The following NCS1 variants were observed in gnomAD, a reference collection of about 807,000 sequenced individuals.
NCS1 encodes frequenin homolog.
Under a neutral mutation model 28.4 loss-of-function variants are expected in NCS1, and 6 were observed. The ratio of observed to expected loss-of-function variants is 0.21; its 90% CI spans 0.12 to 0.42. The LOEUF is 0.42. NCS1 is among the 10% of genes least tolerant of loss of function. The pLI is 1.00. For missense variants in NCS1, 131 were observed against 241.4 expected (o/e 0.54, Z 3.03); for synonymous variants, 86 against 99.3 (o/e 0.87, Z 0.79).
chr9:130,198,266 G>T (rs561436500), intron 1 of NCS1, among the ~76,000 whole-genome samples: 2 of 152,144 alleles, frequency 1.3e-5, no homozygotes, highest in Non-Finnish European at 2.9e-5. Flanking sequence ...GGGTGAGGAA[G>T]GACGCAGAGA....
At chr9:130,220,207 G>A (rs1480654913) in intron 4 of NCS1, among the ~76,000 whole-genome samples, 4 of 152,220 alleles carry the variant, frequency 2.6e-5, no homozygotes, top group Non-Finnish European at 5.9e-5. Flanking sequence ...CCCAGGTTCA[G>A]TGCCGGACCC....
chr9:130,197,294 G>A (rs1554906956), intron 1 of NCS1, among the ~76,000 whole-genome samples: 1 of 152,198 alleles, frequency 6.6e-6, no homozygotes, highest in East Asian at 1.9e-4. Context: ...TGCTTAGGCT[G>A]AAGCTAGATT....
At chr9:130,224,090 C>T (rs1211638434) in intron 6 of NCS1, among the ~76,000 whole-genome samples, 1 of 151,418 alleles carries the variant, frequency 6.6e-6, no homozygotes, top group African/African-American at 2.4e-5. Flanking sequence ...TCGTGATCCA[C>T]CAGCCTCGGC....
intron 1 of NCS1, among the ~76,000 whole-genome samples, chr9:130,176,147 T>TTTCTTTCTTTCTTTCTTTCTTTCTTTC (rs1832562323): frequency 1.8e-5 from 1 of 54,276 alleles, no homozygotes; most frequent in Non-Finnish European, 3.2e-5. Flanking sequence ...ATTTTCTTTC[T>TTTCTTTCTTTCTTTCTTTCTTTCTTTC]TTCTTTCTTT....
chr9:130,199,304 A>G (rs1160086477), intron 1 of NCS1, among the ~76,000 whole-genome samples: 1 of 152,192 alleles, frequency 6.6e-6, no homozygotes, highest in Non-Finnish European at 1.5e-5. Context: ...CGCTTTAACC[A>G]GGATGGTCTC....
chr9:130,227,143 CT>C (rs1696909766), intron 7 of NCS1, among the ~76,000 whole-genome samples: 1 of 152,158 alleles, frequency 6.6e-6, no homozygotes, highest in South Asian at 2.1e-4. Flanking sequence ...TTCTTATCCC[CT>C]CTCTGAGCAG....
chr9:130,174,259 G>A (rs1173461536), intron 1 of NCS1, among the ~76,000 whole-genome samples: 5 of 152,200 alleles, frequency 3.3e-5, no homozygotes, highest in African/African-American at 1.2e-4. Flanking sequence ...TGGGCTGCAC[G>A]GGATGCCTCC....
At chr9:130,221,405 TATATATATAGAGAGAGAGAGAG>T (rs1318316168) in intron 4 of NCS1, among the ~76,000 whole-genome samples, 10 of 41,816 alleles carry the variant, frequency 2.4e-4, no homozygotes, top group African/African-American at 7.8e-4. Context: ...TATATATATA[TATATATATAGAGAGAGAGAGAG>T]AGAGAGAGAG....
rs1292503577 is a variant in NCS1, at chr9:130,177,528, G to A, written c.64+4801G>A. On this transcript the variant is annotated intron_variant, in intron 1 of 7. Coordinates refer to ENST00000372398, the MANE Select transcript of NCS1 (RefSeq NM_014286.4). The surrounding 1 kb of genome is among the most constrained non-coding windows in gnomAD (Gnocchi z 4.4). ...TCCCGTGTGCGTGGGCATGAACCAA[G>A]GAGGCCTTTCCTTTCTCTGACAGTG... is the stretch of plus-strand genomic sequence containing the variant. Among the ~76,000 whole-genome samples the A allele has an allele frequency of 1.3e-5, 2 of 152,232 alleles. No homozygotes were observed. Among genetic ancestry groups the A allele is most frequent in the Admixed American group, 6.5e-5 (1 of 15,284 alleles).
chr9:130,185,108 C>T (rs966103992), intron 1 of NCS1, among the ~76,000 whole-genome samples: 2 of 152,200 alleles, frequency 1.3e-5, no homozygotes, highest in African/African-American at 4.8e-5. Context: ...CGTCCACACT[C>T]GCATCAAAGC....
chr9:130,202,666 G>A lies in NCS1; in HGVS notation c.89+1684G>A, dbSNP rs1300208640. On this transcript the variant is annotated intron_variant, in intron 2 of 7. Transcript: ENST00000372398. ...ATGATCTCAGCTCACTGCAACCTCC[G>A]CCTCCCAGAGTCAAGCGATTCTCTT... Among the ~76,000 whole-genome samples the A allele has an allele frequency of 4.0e-5, 6 of 149,844 alleles. No individual in the cohort carries two copies. The East Asian group carries it at 9.9e-4, about 25-fold the overall frequency.
intron 7 of NCS1, among the ~76,000 whole-genome samples, chr9:130,227,200 C>T (rs55733432): frequency 6.6e-6 from 1 of 152,202 alleles, no homozygotes; most frequent in Admixed American, 6.5e-5. Flanking sequence ...AGAATGATAG[C>T]ACGCCTGGCA....
At chr9:130,187,456 C>T (rs782599901) in intron 1 of NCS1, among the ~76,000 whole-genome samples, 11 of 152,186 alleles carry the variant, frequency 7.2e-5, no homozygotes, top group Non-Finnish European at 1.5e-4. Context: ...CCAGGGCTGC[C>T]TCTGCCTGGG....
At chr9:130,203,046 ATGTG>A (rs113946626) in intron 2 of NCS1, among the ~76,000 whole-genome samples, 70,474 of 142,466 alleles carry the variant, frequency 0.49, 18,110 homozygotes, top group East Asian at 0.85. Flanking sequence ...CAGGGTAAAT[ATGTG>A]TGTGTGTGTG....
At chr9:130,218,855 T>C (rs1351453691) in intron 3 of NCS1, among the ~76,000 whole-genome samples, 4 of 152,174 alleles carry the variant, frequency 2.6e-5, no homozygotes, top group South Asian at 2.1e-4. Context: ...TCTCCCAAAG[T>C]GCTGGGATTT....
At chr9:130,190,977 C>T (rs1554906197) in intron 1 of NCS1, among the ~76,000 whole-genome samples, 5 of 152,214 alleles carry the variant, frequency 3.3e-5, no homozygotes, top group South Asian at 2.1e-4. Flanking sequence ...CCTGCGGGAG[C>T]GGCAACAGCT....
At position 130,215,879 on chromosome 9, in the gene NCS1, G is replaced by A. The variant is rs1554909272; in HGVS notation, c.90-1953G>A. Among the ~76,000 whole-genome samples the A allele has an allele frequency of 6.6e-5, 10 of 152,204 alleles. No homozygotes were observed. In the South Asian group the frequency reaches 2.1e-3, roughly 32 times the overall value. On this transcript the variant is annotated intron_variant, in intron 2 of 7. Transcript: ENST00000372398. This position sits in a 1 kb window ranked among gnomAD's most constrained non-coding sequence, Gnocchi z 4.2. Reference sequence around the variant, plus strand: ...CTGGGACGGTCATGTGCCCGCTATGGTCTGACTCAAGAAGAACTGCCCTCC... The same window carrying A: ...CTGGGACGGTCATGTGCCCGCTATGATCTGACTCAAGAAGAACTGCCCTCC...
Position 130,218,429 on chromosome 9 carries a change from CAT to C in NCS1, c.228+462_228+463del, listed in dbSNP as rs1160550154. On this transcript the variant is annotated intron_variant, in intron 3 of 7. Transcript: ENST00000372398. The stretch of plus-strand genomic sequence containing the variant: ...GTGTACACACAGAGAGACATATACA[CAT>C]ATGCATATGTATACAGTGCACAACA... Among the ~76,000 whole-genome samples, 7 of 152,340 alleles carry C rather than the reference CAT, an allele frequency of 4.6e-5. No individual in the cohort carries two copies. In the South Asian group the frequency reaches 1.0e-3, roughly 23 times the overall value.
intron 1 of NCS1, among the ~76,000 whole-genome samples, chr9:130,189,877 AAAATATATATAT>A (rs1463603073): frequency 5.6e-4 from 28 of 50,330 alleles, no homozygotes; most frequent in South Asian, 2.2e-3. Flanking sequence ...AAAAAAAAAA[AAAATATATATAT>A]ATATATATAT....
Sources: gnomAD v4.1 joint callset for allele counts (sites outside exome capture counted in the v4.1 genomes callset) on GRCh38, gnomAD v4.1.1 for gene constraint, Gnocchi (gnomAD v3.1) non-coding constraint, MANE v1.5 for transcripts, NCBI Gene and HGNC (gene_info 2026-07-23, HGNC 2026-07-21) for gene names.